The following ATF6 variants were observed in gnomAD, a reference collection of about 807,000 sequenced individuals.
ATF6 encodes activating transcription factor 6.
ATF6 carries 53 observed loss-of-function variants against 83.6 expected under a neutral mutation model. The ratio of observed to expected loss-of-function variants is 0.63; its 90% CI spans 0.51 to 0.80. The LOEUF is 0.80. Ranked by LOEUF, ATF6 falls within the 30% of genes least tolerant of loss-of-function variation. The pLI is 0.00. For synonymous variants in ATF6, 288 were observed against 285.8 expected, an observed-to-expected ratio of 1.01 and a Z score of -0.08; for missense variants, 744 against 797.9, an observed-to-expected ratio of 0.93 and a Z score of 0.81.
intron 15 of ATF6, among the ~76,000 whole-genome samples, chr1:161,930,108 A>G (rs990615243): frequency 6.6e-6 from 1 of 152,222 alleles, no homozygotes; most frequent in Non-Finnish European, 1.5e-5. Flanking sequence ...TACTTTGTAC[A>G]TGATAGGCCA....
At chr1:161,859,814 A>G (rs563484771) in intron 12 of ATF6, among the ~76,000 whole-genome samples, 3 of 152,316 alleles carry the variant, frequency 2.0e-5, no homozygotes, top group African/African-American at 4.8e-5. Flanking sequence ...TCAGTAAACA[A>G]TAGGATCTAG....
chr1:161,890,923 C>G (rs949406372), intron 14 of ATF6: 2 of 152,248 alleles, frequency 1.3e-5, no homozygotes, highest in African/African-American at 2.4e-5. Context: ...CCCCAAAGCT[C>G]GACGCCTCTA....
intron 9 of ATF6, among the ~76,000 whole-genome samples, chr1:161,822,551 A>C (rs940612188): frequency 2.7e-5 from 4 of 150,902 alleles, no homozygotes; most frequent in Admixed American, 6.6e-5. Flanking sequence ...TTAAAAAAAA[A>C]CATTTTTTAT....
intron 9 of ATF6, among the ~76,000 whole-genome samples, chr1:161,841,899 G>T (rs190780824): frequency 1.3e-5 from 2 of 152,252 alleles, no homozygotes; most frequent in Non-Finnish European, 2.9e-5. Flanking sequence ...GGATACAGAT[G>T]GGATAGACTA....
chr1:161,792,327 G>T lies in ATF6; in HGVS notation c.688G>T (p.Gly230Cys). 1 of 1,613,042 alleles carries T rather than the reference G, an allele frequency of 6.2e-7. No homozygotes were observed. The highest frequency in any genetic ancestry group is 8.5e-7 in the Non-Finnish European group (1 of 1,179,634). The stretch of plus-strand genomic sequence containing the variant: ...CAGTTTACAACCTGCACCCACTAAA[G>T]GTACCTGAGCAGAATTTAAGGCTGT... ...IISLQPAPTKGQTVLLSQPTV... is the reference protein window; with the variant it reads ...IISLQPAPTKCQTVLLSQPTV... Residue 230 changes from glycine to cysteine, a missense_variant and splice_region_variant, in exon 6 of 16, where the codon GGC becomes TGC. Transcript: ENST00000367942.
At chr1:161,812,467 A>G (rs920497470) in intron 7 of ATF6, among the ~76,000 whole-genome samples, 3 of 121,740 alleles carry the variant, frequency 2.5e-5, no homozygotes, top group African/African-American at 9.3e-5. Context: ...ATCTCGGCTC[A>G]CTGCAAGCTC....
At chr1:161,939,156 C>G (rs900507309) in intron 15 of ATF6, among the ~76,000 whole-genome samples, 4 of 152,186 alleles carry the variant, frequency 2.6e-5, no homozygotes, top group African/African-American at 7.2e-5. Context: ...CCTTGGAACA[C>G]TTTATTTACG....
chr1:161,843,585 A>G (rs1402970002), intron 9 of ATF6, among the ~76,000 whole-genome samples: 1 of 152,164 alleles, frequency 6.6e-6, no homozygotes, highest in Non-Finnish European at 1.5e-5. Flanking sequence ...TTGAGCTTCA[A>G]CTTCCTTTGA....
At chr1:161,790,119 C>G (rs1268160079) in intron 4 of ATF6, among the ~76,000 whole-genome samples, 1 of 152,044 alleles carries the variant, frequency 6.6e-6, no homozygotes, top group Non-Finnish European at 1.5e-5. Context: ...ATATTTTCTA[C>G]CAATATATAT....
At chr1:161,868,810 T>G (rs1428488936) in intron 14 of ATF6, among the ~76,000 whole-genome samples, 2 of 151,068 alleles carry the variant, frequency 1.3e-5, no homozygotes, top group African/African-American at 4.8e-5. Context: ...TATCATCAGC[T>G]TATTCTTGTC....
At chr1:161,957,719 G>A (rs143373462) in intron 15 of ATF6, among the ~76,000 whole-genome samples, 6 of 152,094 alleles carry the variant, frequency 3.9e-5, no homozygotes, top group Non-Finnish European at 8.8e-5. Context: ...TAGCTTACCT[G>A]CAAGTTCTGT....
At chr1:161,861,297 T>TATAG (rs147582044) in intron 13 of ATF6, among the ~76,000 whole-genome samples, 18 of 152,118 alleles carry the variant, frequency 1.2e-4, no homozygotes, top group East Asian at 3.9e-4. Flanking sequence ...GAGAAAAAAA[T>TATAG]ATAGATAGAT....
intron 14 of ATF6, among the ~76,000 whole-genome samples, chr1:161,908,594 T>C (rs1479954175): frequency 6.7e-6 from 1 of 148,424 alleles, no homozygotes; most frequent in Admixed American, 6.8e-5. Flanking sequence ...GATTATAATA[T>C]TTGTCCACAT....
intron 9 of ATF6, among the ~76,000 whole-genome samples, chr1:161,841,110 G>A (rs868808957): frequency 6.6e-6 from 1 of 152,088 alleles, no homozygotes; most frequent in Non-Finnish European, 1.5e-5. Context: ...AAGCACTCAT[G>A]GCAAGAATCT....
At chr1:161,947,878 G>T (rs1688784171) in intron 15 of ATF6, among the ~76,000 whole-genome samples, 1 of 136,352 alleles carries the variant, frequency 7.3e-6, no homozygotes, top group Non-Finnish European at 1.5e-5. Context: ...AGGCTGGAGT[G>T]CAATGGCATG....
chr1:161,914,611 C>T (rs1388938953), intron 15 of ATF6, among the ~76,000 whole-genome samples: 2 of 152,182 alleles, frequency 1.3e-5, no homozygotes, highest in Non-Finnish European at 2.9e-5. Context: ...TTGAAATCTC[C>T]TTTTCAGGCA....
chr1:161,871,700 T>A (rs1687127672), intron 14 of ATF6, among the ~76,000 whole-genome samples: 1 of 151,644 alleles, frequency 6.6e-6, no homozygotes, highest in Admixed American at 6.6e-5. Context: ...CTAGCCCCAA[T>A]GTTGCCACTC....
At chr1:161,807,149 C>A (rs1685304308) in intron 7 of ATF6, among the ~76,000 whole-genome samples, 1 of 152,078 alleles carries the variant, frequency 6.6e-6, no homozygotes, top group African/African-American at 2.4e-5. Context: ...TCTTTGCATA[C>A]CCAATAAGAC....
intron 14 of ATF6, among the ~76,000 whole-genome samples, chr1:161,902,933 T>C (rs1015110440): frequency 6.6e-6 from 1 of 152,162 alleles, no homozygotes; most frequent in African/African-American, 2.4e-5. Context: ...AGATCTGAAG[T>C]GGGAGCAGGT....
Sources: gnomAD v4.1 joint callset for allele counts (sites outside exome capture counted in the v4.1 genomes callset) on GRCh38, gnomAD v4.1.1 for gene constraint, MANE v1.5 for transcripts, NCBI Gene and HGNC (gene_info 2026-07-23, HGNC 2026-07-21) for gene names.